The following SPP2 variants were observed in gnomAD, a reference collection of about 807,000 sequenced individuals.
SPP2 encodes the protein secreted phosphoprotein 24.
Under a neutral mutation model 28.8 loss-of-function variants are expected in SPP2, and 34 were observed. The observed-to-expected ratio is 1.18, with a 90% CI of 0.90 to 1.57. SPP2 has a LOEUF of 1.57. Among genes scored for constraint, SPP2 ranks in the 40% most tolerant of loss-of-function variants. The pLI, the probability that SPP2 is intolerant of heterozygous loss-of-function variation, is 0.00. For missense variants in SPP2, 269 were observed against 263.9 expected (o/e 1.02, Z -0.13); for synonymous variants, 96 against 89.4 (o/e 1.07, Z -0.42).
At chr2:234,071,280 A>C (rs1036676556) in intron 7 of SPP2, among the ~76,000 whole-genome samples, 6 of 152,096 alleles carry the variant, frequency 3.9e-5, no homozygotes, top group African/African-American at 1.2e-4. Flanking sequence ...CATGGAGGAG[A>C]CTCTGATCCT....
At chr2:234,054,115 G>A (rs985863637) in intron 2 of SPP2, among the ~76,000 whole-genome samples, 2 of 152,192 alleles carry the variant, frequency 1.3e-5, no homozygotes, top group Admixed American at 6.5e-5. Flanking sequence ...TCACTCCAGT[G>A]ACAAGAAGTT....
At position 234,060,455 on chromosome 2, in the gene SPP2, G is replaced by A. The variant is rs780959047; in HGVS notation, c.420G>A (p.Thr140=). ...VHARCSWSSS[T]SESYSSEEMI... ...CTCGCTGCAGCTGGTCCTCCTCCAC[G>A]TCTGAGTCTTACAGCAGCGAAGAGG... The change falls in exon 4 of 8, where the codon ACG becomes ACA. Residue 140 remains threonine (T), a synonymous_variant. Transcript: ENST00000168148. The A allele has an allele frequency of 3.7e-6, 6 of 1,613,654 alleles. No homozygotes were observed. Among genetic ancestry groups the A allele is most frequent in the East Asian group, 2.2e-5 (1 of 44,832 alleles).
At chr2:234,051,128 C>T in intron 2 of SPP2, 33 bp downstream of exon 2, 1 of 1,602,888 alleles carries the variant, frequency 6.2e-7, no homozygotes, top group Non-Finnish European at 8.5e-7. Context: ...TCTACTCCTC[C>T]TTCCAATGCT....
Position 234,075,000 on chromosome 2 carries a change from CAAAAA to C in SPP2, c.*11-1828_*11-1824del, listed in dbSNP as rs3078239. 1.4e-3 allele frequency among the ~76,000 whole-genome samples: 161 copies of C among 116,936 alleles called. 1 individual carries two copies. The highest frequency in any genetic ancestry group is 4.1e-3 in the African/African-American group (125 of 30,612). 76.7% of individuals were successfully genotyped at this position (116,936 alleles called of 152,430 possible). A position where few individuals can be genotyped will look rare whatever the true frequency, so the allele number is the denominator to read the frequency against. On this transcript the variant is annotated intron_variant, in intron 7 of 7. Transcript: ENST00000168148. Reference sequence around the variant, plus strand: ...GTCATCAACAAAAAGCACAAAAATGCAAAAAAAAAAAAAAAAAAAAATGGGGCACT... The same window carrying C: ...GTCATCAACAAAAAGCACAAAAATGCAAAAAAAAAAAAAAAATGGGGCACT...
intron 1 of SPP2, 24 bp from the exon 2 acceptor site, chr2:234,050,947 T>A: frequency 6.2e-7 from 1 of 1,613,998 alleles, no homozygotes; most frequent in Middle Eastern, 1.7e-4. Flanking sequence ...TGTCTCACTG[T>A]GCCCCATGTG....
At chr2:234,072,219 G>T (rs963429235) in intron 7 of SPP2, among the ~76,000 whole-genome samples, 1 of 152,154 alleles carries the variant, frequency 6.6e-6, no homozygotes, top group Non-Finnish European at 1.5e-5. Flanking sequence ...TACTAAAATA[G>T]AAGGGAAATT....
In SPP2 at chr2:234,068,208, A is replaced by G. The variant is rs532939102; in HGVS notation, c.550+934A>G. On this transcript the variant is annotated intron_variant, in intron 6 of 7. Coordinates refer to ENST00000168148, the MANE Select transcript of SPP2 (RefSeq NM_006944.3). ...ACTCATGGCATTAAATGGCATATGC[A>G]AATTGTCTACCCTGTACTAATTGCC... is the stretch of plus-strand genomic sequence containing the variant. Among the ~76,000 whole-genome samples the G allele has an allele frequency of 4.6e-5, 7 of 152,312 alleles. No homozygotes were observed. In the South Asian group the frequency reaches 1.5e-3, roughly 32 times the overall value.
intron 4 of SPP2, among the ~76,000 whole-genome samples, chr2:234,065,846 T>A (rs1165801403): frequency 6.6e-6 from 1 of 152,270 alleles, no homozygotes; most frequent in East Asian, 1.9e-4. Context: ...ATTAGGTCTA[T>A]GATCCATGTT....
At chr2:234,062,831 C>A (rs1377791103) in intron 4 of SPP2, among the ~76,000 whole-genome samples, 3 of 152,164 alleles carry the variant, frequency 2.0e-5, no homozygotes, top group Admixed American at 2.0e-4. Context: ...GCAAAGCCTA[C>A]AAATCTGTTG....
chr2:234,052,180 T>C (rs748349737), intron 2 of SPP2, among the ~76,000 whole-genome samples: 1 of 151,822 alleles, frequency 6.6e-6, no homozygotes, highest in Non-Finnish European at 1.5e-5. Flanking sequence ...ATGGCCAGAG[T>C]GGAGTCACTT....
chr2:234,056,676 C>T (rs779559021), intron 2 of SPP2, among the ~76,000 whole-genome samples: 4 of 152,090 alleles, frequency 2.6e-5, no homozygotes, highest in Non-Finnish European at 5.9e-5. Context: ...GGGCCCCAAA[C>T]AATGGACTTC....
At chr2:234,073,187 C>T (rs796943313) in intron 7 of SPP2, among the ~76,000 whole-genome samples, 11 of 152,246 alleles carry the variant, frequency 7.2e-5, no homozygotes, top group African/African-American at 2.2e-4. Flanking sequence ...CACGCCTGGC[C>T]GACCATAAAC....
intron 2 of SPP2, among the ~76,000 whole-genome samples, chr2:234,056,932 T>C (rs912320542): frequency 6.6e-6 from 1 of 152,034 alleles, no homozygotes; most frequent in Non-Finnish European, 1.5e-5. Flanking sequence ...GTTCTGCATG[T>C]GCCTATTATT....
In SPP2 at chr2:234,050,740, C is replaced by G. The variant is rs1693471900; in HGVS notation, c.-47C>G. 1 of 1,552,200 alleles carries G rather than the reference C, an allele frequency of 6.4e-7. No homozygotes were observed. Among genetic ancestry groups the G allele is most frequent in the Middle Eastern group, 1.7e-4 (1 of 5,924 alleles). On this transcript the variant is annotated 5_prime_UTR_variant, in exon 1 of 8. Transcript: ENST00000168148. Reference sequence around the variant, plus strand: ...GACAGCTCCTCTTAGGAAGAACTGTCATCCCCAAACACATAGAGAGACACT... The same window carrying G: ...GACAGCTCCTCTTAGGAAGAACTGTGATCCCCAAACACATAGAGAGACACT...
intron 2 of SPP2, among the ~76,000 whole-genome samples, chr2:234,052,776 G>C (rs1258418190): frequency 6.6e-6 from 1 of 152,134 alleles, no homozygotes. Context: ...CAGTCACCGT[G>C]CCCTCTTGTT....
intron 5 of SPP2, among the ~76,000 whole-genome samples, 153 bp from the exon 6 acceptor site, chr2:234,067,071 T>C (rs1693836086): frequency 1.3e-5 from 2 of 152,224 alleles, no homozygotes; most frequent in African/African-American, 4.8e-5. Flanking sequence ...TTAGGAGGCA[T>C]TTTTCCTATT....
rs918664638 is a variant in SPP2, at chr2:234,068,659, T to G, written c.551-1269T>G. ...TGACAGCATGACCACTGCTGAAACG[T>G]TTTTATGAGCTTTTCTTTTAGAATT... On this transcript the variant is annotated intron_variant, in intron 6 of 7. Transcript: ENST00000168148. Among the ~76,000 whole-genome samples the G allele has an allele frequency of 2.0e-4, 30 of 151,996 alleles. 1 individual carries two copies. Among genetic ancestry groups the G allele is most frequent in the Admixed American group, 2.6e-4 (4 of 15,238 alleles).
chr2:234,072,382 G>T (rs1389509215), intron 7 of SPP2, among the ~76,000 whole-genome samples: 2 of 151,898 alleles, frequency 1.3e-5, no homozygotes, highest in African/African-American at 4.8e-5. Context: ...TTTTATAAAT[G>T]TAAATGATAT....
intron 2 of SPP2, among the ~76,000 whole-genome samples, chr2:234,055,791 A>T (rs1465587294): frequency 6.6e-6 from 1 of 151,916 alleles, no homozygotes; most frequent in Non-Finnish European, 1.5e-5. Context: ...TGTAATACTG[A>T]TTGTAAATTC....
Sources: allele counts gnomAD v4.1 joint callset (sites outside exome capture counted in the v4.1 genomes callset), GRCh38; gene constraint gnomAD v4.1.1; transcripts MANE v1.5; gene names NCBI Gene and HGNC (gene_info 2026-07-23, HGNC 2026-07-21).